PPP6R2: variants seen among roughly 807,000 people sequenced by gnomAD.
The protein encoded by PPP6R2 is serine/threonine-protein phosphatase 6 regulatory subunit 2.
A neutral mutation model predicts 100.2 loss-of-function variants in PPP6R2; 62 were observed. That is an observed-to-expected ratio of 0.62 (90% CI 0.50 to 0.76). PPP6R2 has a LOEUF of 0.76. PPP6R2 is among the 30% of genes least tolerant of loss of function. PPP6R2 has a pLI of 0.00. For synonymous variants in PPP6R2, 525 were observed against 514.7 expected, an observed-to-expected ratio of 1.02 and a Z score of -0.27; for missense variants, 1,142 against 1,276.3, an observed-to-expected ratio of 0.89 and a Z score of 1.60.
rs1029979451 is a variant in PPP6R2, at chr22:50,419,032, G to C, written c.731+53G>C. 5.0e-6 allele frequency: 7 copies of C among 1,396,726 alleles called. No homozygotes were observed. In the East Asian group the frequency reaches 9.1e-5, roughly 18 times the overall value. The allele number at this position is 1,396,726 out of a possible 1,614,324, so 86.5% of individuals were successfully genotyped here. On this transcript the variant is annotated intron_variant, in intron 7 of 23. Coordinates refer to ENST00000612753, the MANE Select transcript of PPP6R2 (RefSeq NM_001242898.2). ...TGGGCCTCCCTTTCTGGGTCATGGG[G>C]ACGTCTGTGAGCCTTGCTCTGAGCA...
chr22:50,441,371 G>C (rs1411509447), intron 22 of PPP6R2, among the ~76,000 whole-genome samples: 1 of 152,222 alleles, frequency 6.6e-6, no homozygotes, highest in Non-Finnish European at 1.5e-5. Flanking sequence ...CAGTTGGAGA[G>C]AACAGCCCAG....
In PPP6R2 at chr22:50,431,929, G is replaced by C. The variant is rs1033557059; in HGVS notation, c.1336-336G>C. On this transcript the variant is annotated intron_variant, in intron 11 of 23. Transcript: ENST00000612753. This position sits in a 1 kb window ranked among gnomAD's most constrained non-coding sequence, Gnocchi z 4.8. Reference sequence around the variant, plus strand: ...TTCCGGACACAGAGAAAGAGGGCAGGAGAGTGGCCAAAGTGGAGGGCAATG... The same window carrying C: ...TTCCGGACACAGAGAAAGAGGGCAGCAGAGTGGCCAAAGTGGAGGGCAATG... Among the ~76,000 whole-genome samples, 5 of 152,186 alleles carry C rather than the reference G, an allele frequency of 3.3e-5. No individual in the cohort carries two copies. The highest frequency in any genetic ancestry group is 7.4e-5 in the Non-Finnish European group (5 of 68,026).
intron 4 of PPP6R2, among the ~76,000 whole-genome samples, chr22:50,413,379 A>T (rs1173302058): frequency 6.6e-6 from 1 of 152,106 alleles, no homozygotes; most frequent in Non-Finnish European, 1.5e-5. Context: ...TTATTATTAC[A>T]GCATTTTGGG....
At chr22:50,410,351 G>A (rs1211762063) in intron 4 of PPP6R2, among the ~76,000 whole-genome samples, 2 of 152,102 alleles carry the variant, frequency 1.3e-5, no homozygotes, top group African/African-American at 4.8e-5. Context: ...ACAGCTGGTA[G>A]CTCAGGCTAC....
chr22:50,370,837 T>A (rs2148505384), intron 1 of PPP6R2, among the ~76,000 whole-genome samples: 1 of 151,888 alleles, frequency 6.6e-6, no homozygotes, highest in South Asian at 2.1e-4. Context: ...TTTCACCATG[T>A]TGGCCAGGCT....
chr22:50,343,479 G>C lies in PPP6R2; in HGVS notation c.-219G>C, dbSNP rs2042652620. The C allele has an allele frequency of 6.6e-6, 1 of 151,426 alleles. No individual in the cohort carries two copies. 9.4% of individuals were successfully genotyped at this position (151,426 alleles called of 1,614,324 possible). On this transcript the variant is annotated 5_prime_UTR_variant, in exon 1 of 24. Coordinates refer to ENST00000612753, the MANE Select transcript of PPP6R2 (RefSeq NM_001242898.2). ...GGCCGCCCGGGCTTTGCCTCCACCA[G>C]CGCCCTGGCCTCCGCTCGGGCCTCC... is the stretch of plus-strand genomic sequence containing the variant.
intron 21 of PPP6R2, among the ~76,000 whole-genome samples, chr22:50,440,412 A>AG (rs1180431200): frequency 1.3e-5 from 2 of 152,206 alleles, no homozygotes; most frequent in Non-Finnish European, 2.9e-5. Flanking sequence ...CCTGGCCCCC[A>AG]GCCCCCTAGT....
At chr22:50,425,713 G>A (rs774405293) in intron 10 of PPP6R2, among the ~76,000 whole-genome samples, 4 of 151,754 alleles carry the variant, frequency 2.6e-5, no homozygotes, top group East Asian at 3.9e-4. Flanking sequence ...CGTGTGGAAC[G>A]GTGTCTCCGT....
At chr22:50,442,605 A>C (rs1489110141) in intron 22 of PPP6R2, among the ~76,000 whole-genome samples, 1 of 152,118 alleles carries the variant, frequency 6.6e-6, no homozygotes, top group East Asian at 1.9e-4. Flanking sequence ...GCTGGAGTGC[A>C]GTGGCGCAAT....
In PPP6R2 at chr22:50,434,981, G is replaced by A; in HGVS notation, c.1416G>A (p.Met472Ile). The A allele has an allele frequency of 6.2e-7, 1 of 1,605,118 alleles. No homozygotes were observed. Among genetic ancestry groups the A allele is most frequent in the African/African-American group, 1.3e-5 (1 of 74,928 alleles). ...TTGCTTTCAGGGCAGCGGGTGGCAT[G>A]AGACGTGGGAACATGGGCCACCTCA... ...ANDHTQAAGG[M>I]RRGNMGHLTR... Residue 472 changes from methionine to isoleucine, a missense_variant, in exon 13 of 24, where the codon ATG becomes ATA. By Grantham distance (10) the Met-to-Ile change is conservative. Around this residue, in one of 2 missense-constraint regions of PPP6R2, gnomAD observed 592 missense variants for 758.9 expected, o/e 0.78. Transcript: ENST00000612753.
chr22:50,393,554 G>A (rs2056101255), intron 2 of PPP6R2: 1 of 983,948 alleles, frequency 1.0e-6, no homozygotes, highest in South Asian at 4.7e-5. Flanking sequence ...GGGGAAGGAG[G>A]GCAAAGGAGG....
rs1265096518 is a variant in PPP6R2, at chr22:50,423,900, G to A, written c.1125+286G>A. ...CCGGTTTGATGGAATAGAGTGACACGTCTACCTCCTTTCTCATGTTCTGAC... is the reference window on the plus strand; with the variant it reads ...CCGGTTTGATGGAATAGAGTGACACATCTACCTCCTTTCTCATGTTCTGAC... On this transcript the variant is annotated intron_variant, in intron 10 of 23. Transcript: ENST00000612753. The surrounding 1 kb of genome is among the most constrained non-coding windows in gnomAD (Gnocchi z 4.8). Among the ~76,000 whole-genome samples the A allele has an allele frequency of 2.0e-5, 3 of 152,352 alleles. No homozygotes were observed. Among genetic ancestry groups the A allele is most frequent in the Admixed American group, 6.5e-5 (1 of 15,302 alleles).
At chr22:50,372,405 T>C (rs548825187) in intron 2 of PPP6R2, among the ~76,000 whole-genome samples, 1 of 152,004 alleles carries the variant, frequency 6.6e-6, no homozygotes, top group South Asian at 2.1e-4. Context: ...AAAAATTAGC[T>C]GGGCATAGTG....
chr22:50,337,541 G>A, the PPP6R2 span, among the ~76,000 whole-genome samples: 9 of 141,450 alleles, frequency 6.4e-5, no homozygotes, highest in Non-Finnish European at 1.1e-4. Flanking sequence ...TAGTGTGTGC[G>A]ATGTGTGGTG....
At chr22:50,408,970 C>T (rs1455858647) in intron 4 of PPP6R2, among the ~76,000 whole-genome samples, 2 of 152,142 alleles carry the variant, frequency 1.3e-5, no homozygotes, top group Non-Finnish European at 1.5e-5. Context: ...CAAAATTAGC[C>T]GGGCGTGGTA....
intron 4 of PPP6R2, among the ~76,000 whole-genome samples, chr22:50,414,259 G>A (rs533471289): frequency 9.1e-4 from 134 of 148,024 alleles, no homozygotes; most frequent in African/African-American, 3.1e-3. Flanking sequence ...AGCTGCTCAC[G>A]GCAGCCTGTG....
chr22:50,334,073 C>T, the PPP6R2 span, among the ~76,000 whole-genome samples: 5 of 152,260 alleles, frequency 3.3e-5, no homozygotes, highest in Non-Finnish European at 5.9e-5. Context: ...ATCTAGAAGG[C>T]GGAGCCAGGT....
At chr22:50,346,717 T>C (rs1159687490) in intron 1 of PPP6R2, among the ~76,000 whole-genome samples, 1 of 141,244 alleles carries the variant, frequency 7.1e-6, no homozygotes, top group African/African-American at 2.7e-5. Flanking sequence ...GTCCGCGCAC[T>C]GGTCAGTGCC....
Position 50,423,757 on chromosome 22 carries a change from G to A in PPP6R2, c.1125+143G>A. 9.5e-7 allele frequency: 1 copy of A among 1,053,038 alleles called. No individual in the cohort carries two copies. Among genetic ancestry groups the A allele is most frequent in the South Asian group, 1.5e-5 (1 of 65,014 alleles). The allele number at this position is 1,053,038 out of a possible 1,614,324, so 65.2% of individuals were successfully genotyped here. A position where few individuals can be genotyped will look rare whatever the true frequency, so the allele number is the denominator to read the frequency against. On this transcript the variant is annotated intron_variant, in intron 10 of 23. Coordinates refer to ENST00000612753, the MANE Select transcript of PPP6R2 (RefSeq NM_001242898.2). This position sits in a 1 kb window ranked among gnomAD's most constrained non-coding sequence, Gnocchi z 4.8. ...GGTTCCAGTCCCAAGTCCCAAGGCT[G>A]GACTACAGGTCTCTGGCGGGGCACA...
Sources: gnomAD v4.1 joint callset for allele counts (sites outside exome capture counted in the v4.1 genomes callset) on GRCh38, gnomAD v4.1.1 for gene constraint, gnomAD v4.1.1 regional missense constraint, Gnocchi (gnomAD v3.1) non-coding constraint, MANE v1.5 for transcripts, NCBI Gene and HGNC (gene_info 2026-07-23, HGNC 2026-07-21) for gene names.